HCRTR2: variants seen among roughly 807,000 people sequenced by gnomAD.
HCRTR2 encodes the protein hypocretin receptor 2.
Under a neutral mutation model 49.0 loss-of-function variants are expected in HCRTR2, and 22 were observed. That is an observed-to-expected ratio of 0.45 (90% CI 0.32 to 0.64). HCRTR2 has a LOEUF of 0.64. Ranked by LOEUF, HCRTR2 falls within the 30% of genes least tolerant of loss-of-function variation. The pLI is 0.04. For synonymous variants in HCRTR2, 236 were observed against 205.3 expected (o/e 1.15, Z -1.28); for missense variants, 491 against 559.4 (o/e 0.88, Z 1.23).
At chr6:55,211,624 T>A (rs1323510767) in intron 1 of HCRTR2, among the ~76,000 whole-genome samples, 1 of 152,138 alleles carries the variant, frequency 6.6e-6, no homozygotes, top group Non-Finnish European at 1.5e-5. Flanking sequence ...TGTGGCCCCA[T>A]CTTTTATGAC....
chr6:55,239,705 T>C (rs1766284044), intron 1 of HCRTR2, among the ~76,000 whole-genome samples: 1 of 152,156 alleles, frequency 6.6e-6, no homozygotes, highest in African/African-American at 2.4e-5. Context: ...TTTTATATTT[T>C]CTTTTCTTGA....
rs146576700 is a variant in HCRTR2 at position 55,149,730 on chromosome 6, G to A, written c.-377-24481G>A. Among the ~76,000 whole-genome samples, 641 of 151,892 alleles carry A rather than the reference G, an allele frequency of 4.2e-3. 4 individuals are homozygous for A. The highest frequency in any genetic ancestry group is 0.015 in the African/African-American group (616 of 41,464). ...AAAATAAATGTAAACGTAGTTTGAG[G>A]GGGTATTCACTCATATTTAATTCCT... On this transcript the variant is annotated intron_variant, in intron 1 of 7. Transcript: ENST00000615358.
intron 3 of HCRTR2, among the ~76,000 whole-genome samples, chr6:55,259,299 T>C (rs1223459933): frequency 6.6e-6 from 1 of 152,034 alleles, no homozygotes; most frequent in Non-Finnish European, 1.5e-5. Context: ...TGAAAGCATA[T>C]AAATATGTGT....
chr6:55,191,949 C>T (rs1562001596), intron 1 of HCRTR2, among the ~76,000 whole-genome samples: 3 of 152,064 alleles, frequency 2.0e-5, no homozygotes. Flanking sequence ...AAAACATTGT[C>T]TGCAAGATTT....
intron 5 of HCRTR2, 40 bp from the exon 6 acceptor site, chr6:55,280,283 T>G: frequency 1.5e-6 from 2 of 1,326,180 alleles, no homozygotes; most frequent in Non-Finnish European, 2.2e-6. Context: ...TTGAATTTAA[T>G]TATTTAAAAG....
At chr6:55,142,985 AT>A (rs1764529265) in intron 1 of HCRTR2, among the ~76,000 whole-genome samples, 5 of 58,108 alleles carry the variant, frequency 8.6e-5, no homozygotes, top group African/African-American at 2.9e-4. Flanking sequence ...TAGAAAGATG[AT>A]AGATGATAGA....
At chr6:55,135,503 C>T (rs1231912089) in intron 1 of HCRTR2, among the ~76,000 whole-genome samples, 3 of 152,190 alleles carry the variant, frequency 2.0e-5, no homozygotes, top group African/African-American at 7.2e-5. Flanking sequence ...TTTATCTCTC[C>T]TCTCACAAAC....
intron 1 of HCRTR2, among the ~76,000 whole-genome samples, chr6:55,141,248 G>A (rs1394633982): frequency 2.0e-5 from 3 of 152,106 alleles, no homozygotes; most frequent in African/African-American, 7.2e-5. Flanking sequence ...GGGAGGCTGA[G>A]GCAGGAGAAT....
At chr6:55,114,463 C>G (rs1347756488) in intron 1 of HCRTR2, among the ~76,000 whole-genome samples, 3 of 151,682 alleles carry the variant, frequency 2.0e-5, no homozygotes, top group African/African-American at 7.3e-5. Context: ...CAGTAATGCT[C>G]CTGTTTCCCT....
At position 55,248,784 on chromosome 6, in the gene HCRTR2, A is replaced by T; in HGVS notation, c.369A>T (p.Gly123=). ...ATATCACTGAGACCTGGTTTTTTGGACAGTCCCTTTGCAAAGTGATTCCTT... is the reference window on the plus strand; with the variant it reads ...ATATCACTGAGACCTGGTTTTTTGGTCAGTCCCTTTGCAAAGTGATTCCTT... ...VVDITETWFF[G]QSLCKVIPYL... is the part of the protein sequence containing the mutation. The change falls in exon 2 of 7, where the codon GGA becomes GGT. Residue 123 remains glycine (G), a synonymous_variant. Coordinates refer to ENST00000370862, the MANE Select transcript of HCRTR2 (RefSeq NM_001384272.1). The T allele has an allele frequency of 6.2e-7, 1 of 1,613,380 alleles. No homozygotes were observed. The highest frequency in any genetic ancestry group is 8.5e-7 in the Non-Finnish European group (1 of 1,179,498).
intron 1 of HCRTR2, among the ~76,000 whole-genome samples, chr6:55,127,237 T>G (rs1764294037): frequency 6.6e-6 from 1 of 152,146 alleles, no homozygotes; most frequent in Admixed American, 6.5e-5. Context: ...CTGCAGGTTG[T>G]GAAAACCATG....
intron 1 of HCRTR2, among the ~76,000 whole-genome samples, chr6:55,148,887 T>C (rs1764628482): frequency 6.6e-6 from 1 of 152,162 alleles, no homozygotes; most frequent in Non-Finnish European, 1.5e-5. Flanking sequence ...CAGTGTAATT[T>C]TACAGACAGA....
At chr6:55,268,956 G>A (rs576526944) in intron 4 of HCRTR2, among the ~76,000 whole-genome samples, 1 of 151,854 alleles carries the variant, frequency 6.6e-6, no homozygotes, top group South Asian at 2.1e-4. Context: ...CGGGTGAGGT[G>A]GGGGGCACCT....
intron 1 of HCRTR2, among the ~76,000 whole-genome samples, chr6:55,166,779 T>A (rs958726092): frequency 6.6e-6 from 1 of 152,010 alleles, no homozygotes; most frequent in Non-Finnish European, 1.5e-5. Flanking sequence ...TATATATAAT[T>A]GGCAAAAAAT....
chr6:55,264,403 T>C (rs1766825107), intron 4 of HCRTR2, among the ~76,000 whole-genome samples: 1 of 152,136 alleles, frequency 6.6e-6, no homozygotes, highest in South Asian at 2.1e-4. Flanking sequence ...TGAATGTTTG[T>C]ATTCATTCAC....
At chr6:55,263,393 A>G (rs889589103) in intron 3 of HCRTR2, among the ~76,000 whole-genome samples, 1 of 152,088 alleles carries the variant, frequency 6.6e-6, no homozygotes, top group Non-Finnish European at 1.5e-5. Context: ...GCCAGATGTA[A>G]TCAAGTCAAA....
At chr6:55,226,815 T>C (rs1180116607) in intron 1 of HCRTR2, among the ~76,000 whole-genome samples, 1 of 141,490 alleles carries the variant, frequency 7.1e-6, no homozygotes, top group Admixed American at 7.8e-5. Context: ...GCCTCCCGGG[T>C]TCACACCATT....
At chr6:55,161,041 C>G (rs901632474) in intron 1 of HCRTR2, among the ~76,000 whole-genome samples, 2 of 152,128 alleles carry the variant, frequency 1.3e-5, no homozygotes, top group African/African-American at 4.8e-5. Flanking sequence ...TTATTCTCAG[C>G]ACCACATTGC....
chr6:55,268,208 T>C (rs936737526), intron 4 of HCRTR2, among the ~76,000 whole-genome samples: 2 of 152,074 alleles, frequency 1.3e-5, no homozygotes, highest in Admixed American at 6.6e-5. Flanking sequence ...TGTAGAAATA[T>C]AGGTAAAGTA....
Sources: allele counts gnomAD v4.1 joint callset (sites outside exome capture counted in the v4.1 genomes callset), GRCh38; gene constraint gnomAD v4.1.1; transcripts MANE v1.5; gene names NCBI Gene and HGNC (gene_info 2026-07-23, HGNC 2026-07-21).